Variants in MCM5 observed in about 807,000 individuals in gnomAD.
MCM5 encodes minichromosome maintenance complex component 5, also known as DNA replication licensing factor MCM5.
In MCM5, 46 loss-of-function variants were observed where a neutral mutation model predicts 79.9. The ratio of observed to expected loss-of-function variants is 0.58; its 90% CI spans 0.45 to 0.74. The LOEUF (loss-of-function observed/expected upper bound fraction) is 0.74, where lower values mean the gene tolerates loss of function less well. Ranked by LOEUF, MCM5 falls within the 30% of genes least tolerant of loss-of-function variation. The probability of loss-of-function intolerance (pLI) is 0.00; values close to 1 mark genes in which losing one functional copy is unlikely to be tolerated. For synonymous variants in MCM5, 404 were observed against 390.5 expected (o/e 1.03, Z -0.41); for missense variants, 883 against 1,017.0 (o/e 0.87, Z 1.79).
At chr22:35,442,852 G>C in the MCM5 span, among the ~76,000 whole-genome samples, 1 of 152,242 alleles carries the variant, frequency 6.6e-6, no homozygotes, top group East Asian at 1.9e-4. Flanking sequence ...CCTGACAGGA[G>C]GCATCAGTGG....
chr22:35,451,151 C>A, the MCM5 span, among the ~76,000 whole-genome samples: 3 of 152,174 alleles, frequency 2.0e-5, no homozygotes, highest in Admixed American at 6.5e-5. Flanking sequence ...CTTGGGCCAA[C>A]AATAGATGGG....
Position 35,419,961 on chromosome 22 carries a change from G to A in MCM5, c.1781G>A (p.Arg594His), listed in dbSNP as rs140825831. ...TACATCATCATGCGGAGCGGGGCCC[G>A]TCAGCACGAGAGGGACAGTGACCGC... The part of the protein sequence containing the change: ...NRYIIMRSGA[R>H]QHERDSDRRS... The change falls in exon 14 of 17, where the codon CGT (arginine) becomes CAT (histidine). Residue 594 changes from arginine to histidine, a missense_variant. Transcript: ENST00000216122. The A allele has an allele frequency of 2.1e-4, 331 of 1,613,094 alleles. No individual in the cohort carries two copies. The highest frequency in any genetic ancestry group is 1.6e-3 in the African/African-American group (120 of 75,052).
At chr22:35,437,364 C>G in the MCM5 span, among the ~76,000 whole-genome samples, 1 of 152,196 alleles carries the variant, frequency 6.6e-6, no homozygotes, top group African/African-American at 2.4e-5. Context: ...CTCTCACTTT[C>G]TACAGGATTG....
At chr22:35,427,580 G>T (rs1052213194), downstream of MCM5, among the ~76,000 whole-genome samples, 3 of 148,972 alleles carry the variant, frequency 2.0e-5, no homozygotes, top group Admixed American at 2.0e-4. Flanking sequence ...TTGTTTTTGG[G>T]GTACATGTGC....
chr22:35,447,552 A>G, the MCM5 span, among the ~76,000 whole-genome samples: 1 of 152,172 alleles, frequency 6.6e-6, no homozygotes, highest in Non-Finnish European at 1.5e-5. Context: ...GGCTCACTGC[A>G]GCCTCTGCCT....
At chr22:35,416,509 A>AGTGTGTGTGTGTGTGTGTGTG in intron 11 of MCM5, 105 bp downstream of exon 11, 1 of 1,028,662 alleles carries the variant, frequency 9.7e-7, no homozygotes, top group South Asian at 1.4e-5. Context: ...CAGGCCTAGA[A>AGTGTGTGTGTGTGTGTGTGTG]TCTGTGTGTG....
chr22:35,417,072 C>T (rs927020000), intron 12 of MCM5, among the ~76,000 whole-genome samples: 2 of 152,164 alleles, frequency 1.3e-5, no homozygotes, highest in Admixed American at 6.5e-5. Context: ...CTCCCTGGGC[C>T]TCAGTCCCTT....
At chr22:35,429,425 T>G (rs1395679757), downstream of MCM5, among the ~76,000 whole-genome samples, 2 of 152,222 alleles carry the variant, frequency 1.3e-5, no homozygotes, top group Non-Finnish European at 2.9e-5. Flanking sequence ...AAGGGTCGTC[T>G]TCTTAGGAGA....
chr22:35,454,198 C>G, the MCM5 span, among the ~76,000 whole-genome samples: 1 of 152,116 alleles, frequency 6.6e-6, no homozygotes, highest in African/African-American at 2.4e-5. Flanking sequence ...CCCTTCACCA[C>G]CTTCCTGGCT....
At chr22:35,439,558 C>T in the MCM5 span, among the ~76,000 whole-genome samples, 1 of 152,150 alleles carries the variant, frequency 6.6e-6, no homozygotes, top group Non-Finnish European at 1.5e-5. Flanking sequence ...AAATACTGAA[C>T]ACAATGTGTA....
chr22:35,430,871 C>T, the MCM5 span, among the ~76,000 whole-genome samples: 1 of 150,550 alleles, frequency 6.6e-6, no homozygotes. Flanking sequence ...GGGACTCTTA[C>T]CTTGTCTCTA....
intron 15 of MCM5, chr22:35,421,724 C>T: frequency 1.9e-6 from 1 of 517,278 alleles, no homozygotes; most frequent in East Asian, 3.6e-5. Context: ...TAACCCTTCT[C>T]ACTGGCTAGG....
chr22:35,447,666 C>T, the MCM5 span, among the ~76,000 whole-genome samples: 4 of 152,086 alleles, frequency 2.6e-5, no homozygotes, highest in African/African-American at 9.7e-5. Context: ...AGGGTGTCAC[C>T]ATGTTGGCCG....
At chr22:35,453,588 CAGAGAT>C in the MCM5 span, among the ~76,000 whole-genome samples, 3 of 147,980 alleles carry the variant, frequency 2.0e-5, no homozygotes, top group African/African-American at 7.4e-5. Flanking sequence ...GAGAGACAGA[CAGAGAT>C]AGAGACATAA....
rs1278183105 is a variant in MCM5 at position 35,406,671 on chromosome 22, A to G, written c.542A>G (p.Asn181Ser). The change falls in exon 5 of 17, where the codon AAC becomes AGC. Residue 181 changes from asparagine to serine, a missense_variant. Asn to Ser is a conservative substitution (Grantham distance 46, BLOSUM62 1). This residue lies in a region of MCM5 where 455 missense variants were observed against 517.5 expected (regional missense o/e 0.88). Coordinates refer to ENST00000216122, the MANE Select transcript of MCM5 (RefSeq NM_006739.4). ...QCRSCRNTLT[N>S]IAMRPGLEGY... ...CGCAGCTGCCGCAACACCCTCACCA[A>G]CATTGCCATGCGCCCTGGCCTCGAG... is the stretch of plus-strand genomic sequence containing the variant. The G allele has an allele frequency of 6.2e-7, 1 of 1,611,638 alleles. No individual in the cohort carries two copies. The highest frequency in any genetic ancestry group is 1.3e-5 in the African/African-American group (1 of 74,914).
the MCM5 span, among the ~76,000 whole-genome samples, chr22:35,449,720 T>C: frequency 6.6e-6 from 1 of 152,244 alleles, no homozygotes; most frequent in African/African-American, 2.4e-5. Context: ...TGCTCTATGC[T>C]CTGCCTGGAA....
chr22:35,420,935 C>T (rs1163300928), intron 14 of MCM5, among the ~76,000 whole-genome samples: 2 of 151,948 alleles, frequency 1.3e-5, no homozygotes, highest in Non-Finnish European at 2.9e-5. Context: ...TGAGACCAGC[C>T]TGGGCAACAT....
chr22:35,420,709 A>G (rs944067604), intron 14 of MCM5, among the ~76,000 whole-genome samples: 3 of 152,222 alleles, frequency 2.0e-5, no homozygotes, highest in Admixed American at 1.3e-4. Flanking sequence ...TTTAAAGGAC[A>G]CTTCATGAAG....
chr22:35,400,313 C>A, intron 1 of MCM5, 105 bp downstream of exon 1: 2 of 1,113,492 alleles, frequency 1.8e-6, no homozygotes, highest in Non-Finnish European at 2.7e-6. Flanking sequence ...GGGTTGGAGT[C>A]CGGGAGCGCG....
Sources: allele counts gnomAD v4.1 joint callset (sites outside exome capture counted in the v4.1 genomes callset), GRCh38; gene constraint gnomAD v4.1.1; regional missense constraint gnomAD v4.1.1; transcripts MANE v1.5; gene names NCBI Gene and HGNC (gene_info 2026-07-23, HGNC 2026-07-21).